The following LIPI variants were observed in gnomAD, a reference collection of about 807,000 sequenced individuals.
The protein encoded by LIPI is lipase member I.
A neutral mutation model predicts 50.6 loss-of-function variants in LIPI; 59 were observed. That is an observed-to-expected ratio of 1.16 (90% CI 0.94 to 1.45). The LOEUF is 1.45. LIPI is among the 40% of genes most tolerant of loss of function. The pLI is 0.00. For missense variants in LIPI, 586 were observed against 536.3 expected (o/e 1.09, Z -0.92); for synonymous variants, 203 against 178.2 (o/e 1.14, Z -1.11).
chr21:14,179,946 T>C (rs2019215612), intron 4 of LIPI, among the ~76,000 whole-genome samples: 1 of 152,180 alleles, frequency 6.6e-6, no homozygotes, highest in Non-Finnish European at 1.5e-5. Context: ...ATTTTTCTTC[T>C]TGCAGAGAGC....
At chr21:14,164,220 T>G (rs1295197071) in intron 6 of LIPI, among the ~76,000 whole-genome samples, 1 of 152,048 alleles carries the variant, frequency 6.6e-6, no homozygotes, top group Non-Finnish European at 1.5e-5. Context: ...AATAGTAAAT[T>G]AAGAATTCAG....
intron 7 of LIPI, among the ~76,000 whole-genome samples, chr21:14,158,606 A>AAT (rs981228695): frequency 1.4e-5 from 2 of 145,544 alleles, no homozygotes; most frequent in Non-Finnish European, 3.0e-5. Flanking sequence ...TATATATTAA[A>AAT]ATATATATAT....
At chr21:14,181,331 T>A (rs1442657363) in intron 4 of LIPI, among the ~76,000 whole-genome samples, 1 of 152,184 alleles carries the variant, frequency 6.6e-6, no homozygotes, top group Admixed American at 6.6e-5. Context: ...GGAAGACTAT[T>A]CTTTATTTGT....
chr21:14,200,826 G>A (rs1008876809), intron 1 of LIPI, among the ~76,000 whole-genome samples: 1 of 151,626 alleles, frequency 6.6e-6, no homozygotes, highest in African/African-American at 2.4e-5. Flanking sequence ...TAAGCACAAA[G>A]AACAAGGCTG....
intron 4 of LIPI, among the ~76,000 whole-genome samples, chr21:14,174,565 T>A (rs1159464907): frequency 1.3e-5 from 2 of 151,938 alleles, no homozygotes; most frequent in Admixed American, 6.6e-5. Context: ...TTTTATTTTA[T>A]TTTTTAGAAA....
At position 14,109,061 on chromosome 21, in the gene LIPI, T is replaced by G. The variant is rs2016302665; in HGVS notation, c.1315A>C (p.Asn439His). The change falls in exon 10 of 10, where the codon AAT becomes CAT. Residue 439 changes from asparagine (N) to histidine (H), a missense_variant. Physicochemically the swap from Asn to His is moderately conservative, Grantham distance 68 (BLOSUM62 1). Coordinates refer to ENST00000681601, the MANE Select transcript of LIPI (RefSeq NM_001302998.2). The part of the protein sequence containing the change: ...YPERPPLCRY[N>H]IVLKDREEVF... ...TCCTCTCTGTCTTTAAGTACAATAT[T>G]ATACCTGCAAAGTGGTGGTCTGAGA... 1 of 1,596,570 alleles carries G rather than the reference T, an allele frequency of 6.3e-7. No individual in the cohort carries two copies. The highest frequency in any genetic ancestry group is 1.7e-5 in the Admixed American group (1 of 59,952).
chr21:14,186,330 T>C lies in LIPI; in HGVS notation c.433-261A>G, dbSNP rs111574445. 4.9e-3 allele frequency among the ~76,000 whole-genome samples: 751 copies of C among 152,300 alleles called. 6 individuals carry two copies. The highest frequency in any genetic ancestry group is 0.017 in the African/African-American group (714 of 41,560). ...ATCTCATGCAGAACAGTATGCAAAA[T>C]GCAATTAATTAGCAGAGTGTTTTAT... On this transcript the variant is annotated intron_variant, in intron 2 of 9. Transcript: ENST00000681601.
chr21:14,188,618 A>G (rs1485826642), intron 2 of LIPI, among the ~76,000 whole-genome samples: 1 of 150,330 alleles, frequency 6.7e-6, no homozygotes, highest in African/African-American at 2.4e-5. Flanking sequence ...ACCAATTCAC[A>G]CTCGATTATA....
intron 9 of LIPI, among the ~76,000 whole-genome samples, chr21:14,137,538 T>A (rs1441498690): frequency 1.3e-5 from 2 of 151,572 alleles, no homozygotes; most frequent in Admixed American, 1.3e-4. Context: ...GAAAATACAG[T>A]CAGAAGAGAA....
intron 9 of LIPI, among the ~76,000 whole-genome samples, chr21:14,110,938 T>C (rs1163558878): frequency 7.4e-5 from 11 of 148,224 alleles, no homozygotes; most frequent in Non-Finnish European, 1.6e-4. Context: ...ATATACCATA[T>C]ACTATATATA....
chr21:14,163,469 G>A lies in LIPI; in HGVS notation c.956C>T (p.Pro319Leu), dbSNP rs200506568. The A allele has an allele frequency of 3.1e-6, 5 of 1,591,150 alleles. No individual in the cohort carries two copies. The East Asian group carries it at 1.1e-4, about 36-fold the overall frequency. The change falls in exon 7 of 10, where the codon CCT becomes CTT. Residue 319 changes from proline (P) to leucine (L), a missense_variant. Physicochemically the swap from Pro to Leu is moderately conservative, Grantham distance 98 (BLOSUM62 -3). Transcript: ENST00000681601. The part of the protein sequence containing the change: ...GVLKERMEGR[P>L]LRTTVFLDTS... ...ATCCAAAAACACAGTGGTCCTAAGAGGTCTTCCTTCCATCCTTTCTTTTAA... is the reference window on the plus strand; with the variant it reads ...ATCCAAAAACACAGTGGTCCTAAGAAGTCTTCCTTCCATCCTTTCTTTTAA...
intron 4 of LIPI, among the ~76,000 whole-genome samples, chr21:14,172,321 G>T (rs2018942560): frequency 6.6e-6 from 1 of 152,106 alleles, no homozygotes; most frequent in Non-Finnish European, 1.5e-5. Context: ...ATTCCTCAGG[G>T]ATCTAGAACT....
At chr21:14,152,380 C>A (rs903311945) in intron 8 of LIPI, among the ~76,000 whole-genome samples, 193 bp downstream of exon 8, 1 of 152,082 alleles carries the variant, frequency 6.6e-6, no homozygotes, top group South Asian at 2.1e-4. Flanking sequence ...AAGGGTGCCT[C>A]TTTAACATAT....
intron 1 of LIPI, among the ~76,000 whole-genome samples, chr21:14,197,027 AC>A (rs1470342149): frequency 1.1e-5 from 1 of 91,426 alleles, no homozygotes. Context: ...TAGGACAAAT[AC>A]ACACACACAC....
intron 9 of LIPI, among the ~76,000 whole-genome samples, chr21:14,130,480 A>G (rs986360568): frequency 7.9e-5 from 12 of 152,176 alleles, no homozygotes; most frequent in African/African-American, 2.4e-4. Flanking sequence ...TCTGCTCTGT[A>G]TATCTAGGAT....
chr21:14,196,477 T>C (rs2123312970), intron 1 of LIPI, among the ~76,000 whole-genome samples: 1 of 152,254 alleles, frequency 6.6e-6, no homozygotes, highest in East Asian at 1.9e-4. Context: ...GTTTTATATC[T>C]TGATTTTATG....
intron 9 of LIPI, among the ~76,000 whole-genome samples, chr21:14,118,547 A>G (rs571559235): frequency 6.6e-6 from 1 of 152,338 alleles, no homozygotes; most frequent in African/African-American, 2.4e-5. Flanking sequence ...AAGTGGAGAT[A>G]GGACCTTAAG....
intron 4 of LIPI, among the ~76,000 whole-genome samples, chr21:14,171,207 A>G (rs1320245629): frequency 6.6e-6 from 1 of 151,078 alleles, no homozygotes; most frequent in African/African-American, 2.4e-5. Flanking sequence ...TGCTCAATGA[A>G]ATAAAAGAGG....
chr21:14,174,597 A>G (rs2019030623), intron 4 of LIPI, among the ~76,000 whole-genome samples: 1 of 151,978 alleles, frequency 6.6e-6, no homozygotes, highest in African/African-American at 2.4e-5. Context: ...TCTGTCGCCC[A>G]GGCTGGAGTG....
Sources: allele counts gnomAD v4.1 joint callset (sites outside exome capture counted in the v4.1 genomes callset), GRCh38; gene constraint gnomAD v4.1.1; transcripts MANE v1.5; gene names NCBI Gene and HGNC (gene_info 2026-07-23, HGNC 2026-07-21).